SPAG16: variants seen among roughly 807,000 people sequenced by gnomAD.
SPAG16 encodes the protein sperm-associated antigen 16 protein.
SPAG16 carries 86 observed loss-of-function variants against 80.4 expected under a neutral mutation model. That is an observed-to-expected ratio of 1.07 (90% CI 0.90 to 1.28). The LOEUF (loss-of-function observed/expected upper bound fraction) is 1.28, where lower values mean the gene tolerates loss of function less well. Among genes scored for constraint, SPAG16 ranks in the 50% most tolerant of loss-of-function variants. The pLI is 0.00. For missense variants in SPAG16, 870 were observed against 765.3 expected, an observed-to-expected ratio of 1.14 and a Z score of -1.61; for synonymous variants, 294 against 265.9, an observed-to-expected ratio of 1.11 and a Z score of -1.03.
At chr2:213,342,051 T>C (rs2124970074) in intron 6 of SPAG16, among the ~76,000 whole-genome samples, 1 of 152,196 alleles carries the variant, frequency 6.6e-6, no homozygotes, top group South Asian at 2.1e-4. Flanking sequence ...TGTTAATTCT[T>C]TTAACAGAAG....
chr2:213,469,933 G>A (rs2072982895), intron 9 of SPAG16, among the ~76,000 whole-genome samples: 1 of 152,138 alleles, frequency 6.6e-6, no homozygotes, highest in African/African-American at 2.4e-5. Context: ...CCTGGTGGAA[G>A]CATTCCCCTC....
chr2:213,973,607 AT>A (rs2106387861), intron 12 of SPAG16, among the ~76,000 whole-genome samples: 1 of 149,422 alleles, frequency 6.7e-6, no homozygotes, highest in East Asian at 2.0e-4. Flanking sequence ...GAATGCCACA[AT>A]TTTTGGCTAC....
intron 15 of SPAG16, among the ~76,000 whole-genome samples, chr2:214,272,884 T>G (rs969388853): frequency 3.3e-5 from 5 of 152,296 alleles, no homozygotes; most frequent in South Asian, 2.1e-4. Context: ...TCCACAATGG[T>G]TGAACTAGTT....
At position 213,337,009 on chromosome 2, in the gene SPAG16, A is replaced by G. The variant is rs550028314; in HGVS notation, c.537-3154A>G. On this transcript the variant is annotated intron_variant, in intron 5 of 15. Coordinates refer to ENST00000331683, the MANE Select transcript of SPAG16 (RefSeq NM_024532.5). ...GGTGCCCCTCTGGGACACAGCTTCC[A>G]GAGGAAGGAGCTGGCTTCCATCTGT... Among the ~76,000 whole-genome samples the G allele has an allele frequency of 5.3e-5, 8 of 152,322 alleles. No individual in the cohort carries two copies. The South Asian group carries it at 1.7e-3, about 32-fold the overall frequency.
At chr2:213,668,684 G>A (rs2063705342) in intron 10 of SPAG16, among the ~76,000 whole-genome samples, 1 of 151,982 alleles carries the variant, frequency 6.6e-6, no homozygotes, top group Non-Finnish European at 1.5e-5. Flanking sequence ...CTGTCACCCA[G>A]AGTACAATGG....
intron 15 of SPAG16, among the ~76,000 whole-genome samples, chr2:214,315,705 A>AT (rs1256066580): frequency 1.3e-5 from 2 of 151,438 alleles, no homozygotes; most frequent in Non-Finnish European, 2.9e-5. Flanking sequence ...CTAATTTTTA[A>AT]TTTTTTTGTA....
chr2:213,726,066 C>CTAA (rs1165339216), intron 10 of SPAG16, among the ~76,000 whole-genome samples: 2 of 152,200 alleles, frequency 1.3e-5, no homozygotes, highest in Non-Finnish European at 2.9e-5. Flanking sequence ...GCATGCCAGC[C>CTAA]TAATACCCAA....
chr2:214,301,284 C>T lies in SPAG16; in HGVS notation c.1721-108856C>T, dbSNP rs114851300. Among the ~76,000 whole-genome samples the T allele has an allele frequency of 6.3e-3, 944 of 149,116 alleles. 6 individuals carry two copies. The highest frequency in any genetic ancestry group is 0.022 in the African/African-American group (885 of 40,656). ...AACATCCCTTCATGATAAAAACCCT[C>T]AAAATCTAGGCATCAAAAAAAAAAA... On this transcript the variant is annotated intron_variant, in intron 15 of 15. Transcript: ENST00000331683.
intron 15 of SPAG16, among the ~76,000 whole-genome samples, chr2:214,265,808 T>C (rs1238767766): frequency 6.6e-6 from 1 of 151,948 alleles, no homozygotes; most frequent in African/African-American, 2.4e-5. Flanking sequence ...CTGTTTCTCA[T>C]TTGTATTCTG....
At chr2:213,334,146 C>T (rs1228762574) in intron 5 of SPAG16, among the ~76,000 whole-genome samples, 1 of 151,918 alleles carries the variant, frequency 6.6e-6, no homozygotes, top group Middle Eastern at 3.2e-3. Context: ...AAAAAATGGA[C>T]AAAAAATTTG....
At chr2:214,023,128 T>C (rs2047961601) in intron 13 of SPAG16, among the ~76,000 whole-genome samples, 1 of 151,978 alleles carries the variant, frequency 6.6e-6, no homozygotes, top group African/African-American at 2.4e-5. Context: ...TCATGTTTTC[T>C]CTGGGTATCT....
chr2:213,468,375 C>CTATATATA (rs1559162502), intron 9 of SPAG16, among the ~76,000 whole-genome samples: 1 of 142,642 alleles, frequency 7.0e-6, no homozygotes, highest in African/African-American at 2.6e-5. Flanking sequence ...ATATCTCTCT[C>CTATATATA]TATATATATA....
chr2:213,603,925 G>GTT (rs111445953), intron 10 of SPAG16, among the ~76,000 whole-genome samples: 10 of 140,360 alleles, frequency 7.1e-5, no homozygotes, highest in African/African-American at 1.8e-4. Flanking sequence ...AGACTTCCTG[G>GTT]TTTTTTTTTT....
intron 6 of SPAG16, among the ~76,000 whole-genome samples, chr2:213,346,265 C>G (rs1203446604): frequency 6.6e-6 from 1 of 152,152 alleles, no homozygotes; most frequent in Non-Finnish European, 1.5e-5. Flanking sequence ...TGCCTATCAG[C>G]TTAAGGAGAT....
At chr2:213,674,442 G>A (rs58934784) in intron 10 of SPAG16, among the ~76,000 whole-genome samples, 1,965 of 151,236 alleles carry the variant, frequency 0.013, 48 homozygotes, top group African/African-American at 0.044. Context: ...GTGCAGGTTA[G>A]GTACATATGT....
At chr2:213,523,620 CT>C (rs2075772852) in intron 10 of SPAG16, among the ~76,000 whole-genome samples, 1 of 152,188 alleles carries the variant, frequency 6.6e-6, no homozygotes, top group Non-Finnish European at 1.5e-5. Context: ...AAGTTTGGAA[CT>C]TCCTAGAGAC....
chr2:213,318,945 G>T (rs1180857676), intron 5 of SPAG16, among the ~76,000 whole-genome samples: 1 of 151,894 alleles, frequency 6.6e-6, no homozygotes, highest in Non-Finnish European at 1.5e-5. Context: ...AGAGAAGCCA[G>T]ATCTCTCCAC....
At chr2:214,094,429 G>A (rs2052443439) in intron 13 of SPAG16, among the ~76,000 whole-genome samples, 1 of 152,092 alleles carries the variant, frequency 6.6e-6, no homozygotes, top group African/African-American at 2.4e-5. Context: ...AAACTCATGT[G>A]TACATAGATT....
At chr2:214,073,371 G>A (rs1416291305) in intron 13 of SPAG16, among the ~76,000 whole-genome samples, 1 of 151,628 alleles carries the variant, frequency 6.6e-6, no homozygotes, top group African/African-American at 2.4e-5. Context: ...CTGAGTAGCT[G>A]GGATTACAGG....
Sources: gnomAD v4.1 joint callset for allele counts (sites outside exome capture counted in the v4.1 genomes callset) on GRCh38, gnomAD v4.1.1 for gene constraint, MANE v1.5 for transcripts, NCBI Gene and HGNC (gene_info 2026-07-23, HGNC 2026-07-21) for gene names.